PCF11: variants seen among roughly 807,000 people sequenced by gnomAD.
PCF11 encodes pre-mRNA cleavage complex 2 protein Pcf11.
In PCF11, 19 loss-of-function variants were observed where a neutral mutation model predicts 166.1. The ratio of observed to expected loss-of-function variants is 0.11; its 90% CI spans 0.08 to 0.17. PCF11 has a LOEUF of 0.17. Ranked by LOEUF, PCF11 falls within the 10% of genes least tolerant of loss-of-function variation. The probability of loss-of-function intolerance (pLI) is 1.00; values close to 1 mark genes in which losing one functional copy is unlikely to be tolerated. For missense variants in PCF11, 1,565 were observed against 1,855.5 expected (o/e 0.84, Z 2.88); for synonymous variants, 663 against 644.1 (o/e 1.03, Z -0.44).
chr11:83,173,752 C>T (rs145188693), intron 9 of PCF11, among the ~76,000 whole-genome samples: 10,498 of 89,034 alleles, frequency 0.12, 604 homozygotes, highest in Middle Eastern at 0.35. Flanking sequence ...TTTTTTGAGA[C>T]GAGTCTTGCT....
At chr11:83,166,314 A>C (rs1310184774) in exon 5 of PCF11, 1 of 1,613,740 alleles carries the variant, frequency 6.2e-7, no homozygotes, top group Non-Finnish European at 8.5e-7. Context: ...AAAACCAGGG[A>C]GATCGAGTAC....
intron 9 of PCF11, among the ~76,000 whole-genome samples, chr11:83,172,319 G>C (rs1447859910): frequency 6.6e-6 from 1 of 152,154 alleles, no homozygotes; most frequent in African/African-American, 2.4e-5. Flanking sequence ...CACTCAAATA[G>C]CAAAAAGCGG....
At chr11:83,166,167 A>G (rs1860447380) in exon 5 of PCF11, 4 of 1,606,518 alleles carry the variant, frequency 2.5e-6, no homozygotes, top group Non-Finnish European at 3.4e-6. Context: ...AGAGAAGAGA[A>G]AAACTGCAGA....
At chr11:83,179,933 CG>C (rs1243384201) in intron 11 of PCF11, among the ~76,000 whole-genome samples, 2 of 151,678 alleles carry the variant, frequency 1.3e-5, no homozygotes, top group Non-Finnish European at 2.9e-5. Context: ...AAAAAACGGG[CG>C]GGGGGTGGAT....
exon 8 of PCF11, chr11:83,169,693 C>A: frequency 6.2e-7 from 1 of 1,613,854 alleles, no homozygotes; most frequent in Middle Eastern, 1.6e-4. Context: ...TGACAATCAT[C>A]CTTCACAAAG....
intron 9 of PCF11, among the ~76,000 whole-genome samples, chr11:83,174,827 A>G (rs1590933494): frequency 6.6e-6 from 1 of 152,344 alleles, no homozygotes; most frequent in South Asian, 2.1e-4. Context: ...CTAATTGTGC[A>G]TCTTAGGCAT....
exon 8 of PCF11, chr11:83,169,293 T>C (rs1276454909): frequency 6.2e-7 from 1 of 1,611,964 alleles, no homozygotes; most frequent in East Asian, 2.2e-5. Context: ...AGGGTCCACA[T>C]GGTCAGCCAG....
At chr11:83,185,124 C>T (rs907947966) in exon 16 of PCF11, 11 of 378,592 alleles carry the variant, frequency 2.9e-5, no homozygotes, top group East Asian at 4.6e-5. Context: ...GCAAATTTAA[C>T]GAAATGAAAT....
rs574763443 is a variant in PCF11, at chr11:83,181,541, T to G, written c.4168-313T>G. On this transcript the variant is annotated intron_variant, in intron 12 of 15. Coordinates refer to ENST00000298281, the Ensembl canonical transcript of PCF11. ...GAATTTTTTTTTTTTTAATTAAGAT[T>G]AGAGTGTAGCCTACAGGCTTGTTCT... Among the ~76,000 whole-genome samples, 399 of 150,938 alleles carry G rather than the reference T, an allele frequency of 2.6e-3. 1 individual carries two copies. The highest frequency in any genetic ancestry group is 9.2e-3 in the African/African-American group (380 of 41,214).
rs1330408399 is a variant in PCF11, at chr11:83,167,235, G to A, written c.1928G>A (p.Arg643Gln). Residue 643 changes from arginine (R) to glutamine (Q), a missense_variant, in exon 6 of 16, where the codon CGA becomes CAA. Around this residue, in one of 12 missense-constraint regions of PCF11, gnomAD observed 468 missense variants for 483.4 expected, o/e 0.97. Coordinates refer to ENST00000298281, the Ensembl canonical transcript of PCF11. This position sits in a 1 kb window ranked among gnomAD's most constrained non-coding sequence, Gnocchi z 4.2. ...CGAGCCCCAAAGCAGCAACAGCATCGATTAAGTGTAGATGCCAATCTTCAG... is the reference window on the plus strand; with the variant it reads ...CGAGCCCCAAAGCAGCAACAGCATCAATTAAGTGTAGATGCCAATCTTCAG... 1.2e-6 allele frequency: 2 copies of A among 1,613,582 alleles called. No homozygotes were observed. Among genetic ancestry groups the A allele is most frequent in the Non-Finnish European group, 8.5e-7 (1 of 1,179,602 alleles).
rs537570026 is a variant in PCF11, at chr11:83,165,760, A to C, written c.863A>C (p.Gln288Pro). The change falls in exon 5 of 16, where the codon CAG becomes CCG. Residue 288 changes from glutamine to proline, a missense_variant. By Grantham distance (76) the Gln-to-Pro change is moderately conservative. Transcript: ENST00000298281. ...CGTCCAGGACCATCCTTACAAATTCAGGATTTAAAAGGAACTAACCGGGAT... is the reference window on the plus strand; with the variant it reads ...CGTCCAGGACCATCCTTACAAATTCCGGATTTAAAAGGAACTAACCGGGAT... 6 of 1,613,142 alleles carry C rather than the reference A, an allele frequency of 3.7e-6. No individual in the cohort carries two copies. The South Asian group carries it at 6.6e-5, about 18-fold the overall frequency.
At chr11:83,160,274 G>A (rs1470329479) in intron 1 of PCF11, among the ~76,000 whole-genome samples, 2 of 150,420 alleles carry the variant, frequency 1.3e-5, no homozygotes, top group Non-Finnish European at 3.0e-5. Flanking sequence ...TGTTACTTAG[G>A]GTTAAGATTC....
intron 11 of PCF11, chr11:83,180,273 G>C (rs1328434314): frequency 6.6e-6 from 1 of 151,550 alleles, no homozygotes; most frequent in Non-Finnish European, 1.5e-5. Context: ...TTTTTAGTAG[G>C]GACAGGGTTT....
chr11:83,158,392 T>C (rs1860083485), intron 1 of PCF11: 1 of 152,066 alleles, frequency 6.6e-6, no homozygotes, highest in South Asian at 2.1e-4. Context: ...GCCCAGAGGG[T>C]AACAAGTACT....
chr11:83,185,510 T>C (rs1050301863), exon 16 of PCF11: 1 of 152,580 alleles, frequency 6.6e-6, no homozygotes, highest in African/African-American at 2.4e-5. Context: ...ATGTTCACTT[T>C]TGAAAATATC....
exon 3 of PCF11, chr11:83,163,799 A>G (rs762143154): frequency 3.1e-6 from 5 of 1,597,110 alleles, no homozygotes; most frequent in African/African-American, 1.3e-5. Flanking sequence ...TGCTTGGCCT[A>G]TTAAACCTCT....
chr11:83,184,856 G>A (rs1861222425), exon 16 of PCF11: 3 of 1,572,398 alleles, frequency 1.9e-6, no homozygotes, highest in African/African-American at 1.4e-5. Context: ...AACACCCTCT[G>A]AAATTAAAAC....
chr11:83,172,504 C>T (rs899925906), intron 9 of PCF11, among the ~76,000 whole-genome samples: 15 of 152,110 alleles, frequency 9.9e-5, no homozygotes, highest in African/African-American at 3.4e-4. Flanking sequence ...CTCACTGCAG[C>T]CTCTGCCTCC....
chr11:83,185,245 G>A (rs1861243484), exon 16 of PCF11: 1 of 161,508 alleles, frequency 6.2e-6, no homozygotes, highest in Admixed American at 6.5e-5. Context: ...AATAGTTTCT[G>A]TACTTTTTAT....
Sources: gnomAD v4.1 joint callset for allele counts (sites outside exome capture counted in the v4.1 genomes callset) on GRCh38, gnomAD v4.1.1 for gene constraint, gnomAD v4.1.1 regional missense constraint, Gnocchi (gnomAD v3.1) non-coding constraint, MANE v1.5 for transcripts, NCBI Gene and HGNC (gene_info 2026-07-23, HGNC 2026-07-21) for gene names.